Variants in ZFYVE26 observed in about 807,000 individuals in gnomAD.
The protein encoded by ZFYVE26 is zinc finger FYVE-type containing 26, also known as zinc finger FYVE domain-containing protein 26.
ZFYVE26 carries 181 observed loss-of-function variants against 276.5 expected under a neutral mutation model. The ratio of observed to expected loss-of-function variants is 0.65; its 90% confidence interval spans 0.58 to 0.74. ZFYVE26 has a LOEUF of 0.74. Among genes scored for constraint, ZFYVE26 ranks in the 30% least tolerant of loss-of-function variants. The pLI, the probability that ZFYVE26 is intolerant of heterozygous loss-of-function variation, is 0.00. For synonymous variants in ZFYVE26, 1,129 were observed against 1,203.1 expected (o/e 0.94, Z 1.27); for missense variants, 2,821 against 3,097.9 (o/e 0.91, Z 2.12).
At chr14:67,763,269 C>A (rs886603223) in intron 32 of ZFYVE26, among the ~76,000 whole-genome samples, 2 of 152,188 alleles carry the variant, frequency 1.3e-5, no homozygotes, top group Non-Finnish European at 2.9e-5. Flanking sequence ...TGGAGTCACA[C>A]TGAATTATGG....
chr14:67,734,148 C>T (rs1054262888), intron 13 of ZFYVE26: 78 of 331,440 alleles, frequency 2.4e-4, no homozygotes, highest in Middle Eastern at 1.1e-3. Context: ...GGCAGAAGAG[C>T]CCGAGAAATT....
In ZFYVE26 at chr14:67,785,157, G is replaced by A. The variant is rs910575999; in HGVS notation, c.3425C>T (p.Thr1142Ile). ...GTCCATCTGCCTGCTGCCTGATGGG[G>A]TCTGTTTGCCCAGGTTCTTCTGGAG... is the stretch of plus-strand genomic sequence containing the variant. ...QLLQKNLGKQ[T>I]PSGSRQMDYL... The change falls in exon 19 of 42, where the codon ACC becomes ATC. Residue 1142 changes from threonine (T) to isoleucine (I), a missense_variant. Thr to Ile is a moderately conservative substitution (Grantham distance 89). Transcript: ENST00000347230. 3 of 1,614,226 alleles carry A rather than the reference G, an allele frequency of 1.9e-6. No individual in the cohort carries two copies. The highest frequency in any genetic ancestry group is 2.2e-5 in the South Asian group (2 of 91,082).
Position 67,762,337 on chromosome 14 carries a change from G to A in ZFYVE26, c.6235C>T (p.Leu2079Phe), listed in dbSNP as rs1335661950. ...CTGAACTTCTCCCGTGCAGCAGTGA[G>A]GTTCCCGGCTTTGAGGCAGGCCATG... ...WGMACLKAGN[L>F]TAAREKFSRC... The change falls in exon 34 of 42, where the codon CTC becomes TTC. Residue 2079 changes from leucine to phenylalanine, a missense_variant. Coordinates refer to ENST00000347230, the MANE Select transcript of ZFYVE26 (RefSeq NM_015346.4). 2 of 1,614,192 alleles carry A rather than the reference G, an allele frequency of 1.2e-6. No individual in the cohort carries two copies. Among genetic ancestry groups the A allele is most frequent in the Admixed American group, 1.7e-5 (1 of 60,026 alleles).
intron 41 of ZFYVE26, 82 bp from the exon 42 acceptor site, chr14:67,748,721 G>GCAGA (rs1440892515): frequency 6.2e-6 from 9 of 1,454,224 alleles, no homozygotes; most frequent in Non-Finnish European, 8.6e-6. Context: ...GAAAGCTCGG[G>GCAGA]CAGACAGACA....
At chr14:67,761,788 T>C in intron 34 of ZFYVE26, 2 of 602,240 alleles carry the variant, frequency 3.3e-6, no homozygotes, top group African/African-American at 3.7e-5. Flanking sequence ...AGAAAGAATA[T>C]TTAACAATGT....
chr14:67,788,430 G>C (rs570988172), intron 16 of ZFYVE26, among the ~76,000 whole-genome samples: 26 of 152,212 alleles, frequency 1.7e-4, no homozygotes, highest in African/African-American at 6.3e-4. Context: ...CTTGGGCCTT[G>C]AGTCTCTAAT....
chr14:67,740,209 T>A (rs2038399776), intron 13 of ZFYVE26, among the ~76,000 whole-genome samples: 1 of 152,222 alleles, frequency 6.6e-6, no homozygotes, highest in Non-Finnish European at 1.5e-5. Context: ...AATCACTATG[T>A]TGTTATAGTC....
intron 28 of ZFYVE26, among the ~76,000 whole-genome samples, chr14:67,771,499 C>T (rs181185179): frequency 5.3e-5 from 8 of 152,312 alleles, no homozygotes; most frequent in South Asian, 2.1e-4. Flanking sequence ...TTTTCATCAG[C>T]GTTGAGCTGA....
Position 67,778,158 on chromosome 14 carries a change from G to C in ZFYVE26, c.4765C>G (p.Leu1589Val), listed in dbSNP as rs1477625212. ...SLHQKHLLHL[L>V]ERRDHDKALQ... ...GCCTTGTCATGATCTCTTCTTTCTA[G>C]AAGGTGGAGAAGATGCTTTTGATGA... The change falls in exon 24 of 42, where the codon CTA (leucine) becomes GTA (valine). Residue 1589 changes from leucine (L) to valine (V), a missense_variant. Transcript: ENST00000347230. 1 of 1,614,186 alleles carries C rather than the reference G, an allele frequency of 6.2e-7. No individual in the cohort carries two copies. The highest frequency in any genetic ancestry group is 8.5e-7 in the Non-Finnish European group (1 of 1,180,026).
intron 19 of ZFYVE26, among the ~76,000 whole-genome samples, chr14:67,784,697 C>T (rs764619482): frequency 1.3e-5 from 2 of 152,210 alleles, no homozygotes; most frequent in African/African-American, 4.8e-5. Context: ...AACTCCTGCT[C>T]TCTTCAACCC....
At position 67,783,388 on chromosome 14, in the gene ZFYVE26, G is replaced by C; in HGVS notation, c.3764C>G (p.Thr1255Ser). 2.5e-6 allele frequency: 4 copies of C among 1,614,198 alleles called. No homozygotes were observed. The highest frequency in any genetic ancestry group is 3.4e-6 in the Non-Finnish European group (4 of 1,180,032). Residue 1255 changes from threonine (T) to serine (S), a missense_variant, in exon 21 of 42, where the codon ACT becomes AGT. Coordinates refer to ENST00000347230, the MANE Select transcript of ZFYVE26 (RefSeq NM_015346.4). Reference protein sequence around the residue: ...QTSSLLTRLGTLAQLHASHCL... With the variant: ...QTSSLLTRLGSLAQLHASHCL... ...GTGAGAGGCGTGTAGCTGGGCCAGA[G>C]TACCCAGACGAGTCAGGAGGGAGGA...
intron 3 of ZFYVE26, among the ~76,000 whole-genome samples, chr14:67,809,782 C>CTTTTTTTTTTT (rs58842467): frequency 8.3e-6 from 1 of 120,112 alleles, no homozygotes; most frequent in Non-Finnish European, 1.7e-5. Context: ...ATTCTTTTCT[C>CTTTTTTTTTTT]TTTTTTTTTT....
intron 41 of ZFYVE26, 38 bp downstream of exon 41, chr14:67,751,014 C>A: frequency 6.2e-7 from 1 of 1,613,902 alleles, no homozygotes; most frequent in South Asian, 1.1e-5. Flanking sequence ...AGACACAATT[C>A]ATTGGCATCA....
intron 13 of ZFYVE26, 85 bp downstream of exon 13, chr14:67,794,086 A>C: frequency 7.0e-7 from 1 of 1,438,610 alleles, no homozygotes; most frequent in South Asian, 1.1e-5. Flanking sequence ...TTGACTGCTC[A>C]ATCCTGGCTT....
At chr14:67,766,857 G>A (rs1247213223) in intron 31 of ZFYVE26, among the ~76,000 whole-genome samples, 3 of 151,978 alleles carry the variant, frequency 2.0e-5, no homozygotes, top group African/African-American at 7.3e-5. Context: ...GTGCCACCAT[G>A]CCCGGCTAAT....
At chr14:67,761,880 C>G in intron 34 of ZFYVE26, 1 of 556,926 alleles carries the variant, frequency 1.8e-6, no homozygotes, top group East Asian at 3.2e-5. Flanking sequence ...TGGGACAACC[C>G]CAGTTTCATT....
intron 12 of ZFYVE26, among the ~76,000 whole-genome samples, chr14:67,795,519 A>G (rs1369341837): frequency 6.6e-6 from 1 of 152,186 alleles, no homozygotes; most frequent in East Asian, 1.9e-4. Context: ...CATGTATACT[A>G]TCTAAGCAGG....
chr14:67,736,456 A>G (rs750926470), intron 13 of ZFYVE26, among the ~76,000 whole-genome samples: 2 of 152,230 alleles, frequency 1.3e-5, no homozygotes, highest in African/African-American at 2.4e-5. Flanking sequence ...TCCAAATGAA[A>G]CATAAAGTTA....
At chr14:67,793,029 G>A (rs1449353336) in intron 14 of ZFYVE26, among the ~76,000 whole-genome samples, 1 of 152,088 alleles carries the variant, frequency 6.6e-6, no homozygotes, top group Admixed American at 6.5e-5. Flanking sequence ...GGAGGCTGAG[G>A]CAGGTAGATC....
Sources: allele counts gnomAD v4.1 joint callset (sites outside exome capture counted in the v4.1 genomes callset), GRCh38; gene constraint gnomAD v4.1.1; transcripts MANE v1.5; gene names NCBI Gene and HGNC (gene_info 2026-07-23, HGNC 2026-07-21).